The following RASGRF2 variants were observed in gnomAD, a reference collection of about 807,000 sequenced individuals.
The protein encoded by RASGRF2 is ras-specific guanine nucleotide-releasing factor 2.
Under a neutral mutation model 151.0 loss-of-function variants are expected in RASGRF2, and 76 were observed. The ratio of observed to expected loss-of-function variants is 0.50; its 90% CI spans 0.42 to 0.61. The LOEUF (loss-of-function observed/expected upper bound fraction) is 0.61. RASGRF2 is among the 20% of genes least tolerant of loss of function. The pLI is 0.00. For missense variants in RASGRF2, 1,148 were observed against 1,564.6 expected, an observed-to-expected ratio of 0.73 and a Z score of 4.49; for synonymous variants, 504 against 566.5, an observed-to-expected ratio of 0.89 and a Z score of 1.57.
At chr5:81,086,540 A>G (rs1371279507) in intron 8 of RASGRF2, among the ~76,000 whole-genome samples, 1 of 152,136 alleles carries the variant, frequency 6.6e-6, no homozygotes, top group Non-Finnish European at 1.5e-5. Flanking sequence ...CCTAATCTCA[A>G]TGACGGGAAC....
intron 1 of RASGRF2, among the ~76,000 whole-genome samples, chr5:80,969,815 CTTTTTTTTTTTT>C (rs10584906): frequency 4.4e-4 from 34 of 76,940 alleles, no homozygotes; most frequent in Admixed American, 6.7e-4. Context: ...ACTTCTTCTT[CTTTTTTTTTTTT>C]TTTTTTTTTT....
At chr5:81,059,763 G>C (rs755585250) in intron 2 of RASGRF2, among the ~76,000 whole-genome samples, 1 of 151,938 alleles carries the variant, frequency 6.6e-6, no homozygotes, top group Non-Finnish European at 1.5e-5. Flanking sequence ...AGAATTGCTT[G>C]AACCCAGGAG....
intron 17 of RASGRF2, among the ~76,000 whole-genome samples, chr5:81,156,741 C>T (rs1047867709): frequency 2.0e-5 from 3 of 152,158 alleles, no homozygotes; most frequent in Non-Finnish European, 4.4e-5. Flanking sequence ...AGACTGAATG[C>T]TTTCCTCCTG....
intron 1 of RASGRF2, among the ~76,000 whole-genome samples, chr5:81,024,833 G>A (rs1016864940): frequency 1.3e-5 from 2 of 152,182 alleles, no homozygotes; most frequent in Admixed American, 1.3e-4. Context: ...TCTCAGTTTG[G>A]TGATTAATAT....
intron 13 of RASGRF2, among the ~76,000 whole-genome samples, chr5:81,110,673 T>G (rs894473151): frequency 6.6e-6 from 1 of 152,226 alleles, no homozygotes; most frequent in Non-Finnish European, 1.5e-5. Flanking sequence ...GATCTCAACT[T>G]TCTTAGAAAT....
At chr5:81,069,647 A>C (rs964355807) in intron 3 of RASGRF2, among the ~76,000 whole-genome samples, 1 of 152,182 alleles carries the variant, frequency 6.6e-6, no homozygotes. Context: ...GCCATAATTT[A>C]TTTCCTACTC....
In RASGRF2 at chr5:81,001,999, C is replaced by G. The variant is rs772182278; in HGVS notation, c.289-40878C>G. Among the ~76,000 whole-genome samples, 4 of 152,114 alleles carry G rather than the reference C, an allele frequency of 2.6e-5. No individual in the cohort carries two copies. The East Asian group carries it at 7.7e-4, about 29-fold the overall frequency. ...GTTTATAATTTGGTCAGTTTATCTA[C>G]GAAGAGACATGTATGTGTGATAATT... On this transcript the variant is annotated intron_variant, in intron 1 of 26. Transcript: ENST00000265080.
At chr5:81,100,230 T>C (rs900827113) in intron 12 of RASGRF2, among the ~76,000 whole-genome samples, 2 of 152,188 alleles carry the variant, frequency 1.3e-5, no homozygotes, top group Admixed American at 6.5e-5. Context: ...ATCTTACTTT[T>C]TCTGGCTTGA....
chr5:81,194,170 C>T (rs1253224357), intron 18 of RASGRF2, among the ~76,000 whole-genome samples: 240 of 142,696 alleles, frequency 1.7e-3, no homozygotes, highest in African/African-American at 6.2e-3. Flanking sequence ...ATAGAGAGAG[C>T]CCCATCTCTA....
intron 1 of RASGRF2, among the ~76,000 whole-genome samples, chr5:81,000,515 T>G (rs1274139939): frequency 6.6e-6 from 1 of 152,198 alleles, no homozygotes; most frequent in Non-Finnish European, 1.5e-5. Context: ...AGTAATGGGA[T>G]TACAGGTGAG....
chr5:80,996,257 G>A (rs1292576815), intron 1 of RASGRF2, among the ~76,000 whole-genome samples: 1 of 151,992 alleles, frequency 6.6e-6, no homozygotes, highest in Non-Finnish European at 1.5e-5. Context: ...CACATAAACT[G>A]TAAAATTCAG....
chr5:81,220,602 A>G (rs1470639704), intron 26 of RASGRF2, among the ~76,000 whole-genome samples: 1 of 152,112 alleles, frequency 6.6e-6, no homozygotes, highest in Non-Finnish European at 1.5e-5. Context: ...CTCCTGCCTC[A>G]GCCTCCTGAG....
intron 1 of RASGRF2, among the ~76,000 whole-genome samples, chr5:80,981,605 G>A (rs1344385171): frequency 6.6e-6 from 1 of 151,982 alleles, no homozygotes; most frequent in African/African-American, 2.4e-5. Flanking sequence ...TCACTCTGTC[G>A]CCCAGGTCGG....
At chr5:80,976,680 GTGTC>G (rs1431633585) in intron 1 of RASGRF2, among the ~76,000 whole-genome samples, 1 of 152,126 alleles carries the variant, frequency 6.6e-6, no homozygotes, top group African/African-American at 2.4e-5. Context: ...TTCCTTCTTG[GTGTC>G]TGCCCAGCTC....
chr5:81,056,716 T>C (rs935300715), intron 2 of RASGRF2, among the ~76,000 whole-genome samples: 3 of 152,188 alleles, frequency 2.0e-5, no homozygotes, highest in South Asian at 4.1e-4. Context: ...CTGTCTAATG[T>C]TGACAGTGTG....
intron 1 of RASGRF2, among the ~76,000 whole-genome samples, chr5:81,018,530 G>A (rs895797173): frequency 2.0e-5 from 3 of 152,120 alleles, no homozygotes; most frequent in Admixed American, 2.0e-4. Context: ...CAGCTCACTT[G>A]TCAGTTTGGG....
rs771470692 is a variant in RASGRF2, at chr5:81,228,294, A to C, written c.*2524A>C. On this transcript the variant is annotated 3_prime_UTR_variant, in exon 27 of 27. Transcript: ENST00000265080. Reference sequence around the variant, plus strand: ...CTGGAGCTGCAAGAGGGCAAGAGAGAGAGCTCCACCTCTGAGGGAGTGTCT... The same window carrying C: ...CTGGAGCTGCAAGAGGGCAAGAGAGCGAGCTCCACCTCTGAGGGAGTGTCT... The C allele has an allele frequency of 1.3e-5, 2 of 152,250 alleles. No homozygotes were observed. The highest frequency in any genetic ancestry group is 6.5e-5 in the Admixed American group (1 of 15,282). The allele number at this position is 152,250 out of a possible 1,614,324, so 9.4% of individuals were successfully genotyped here.
chr5:81,148,763 T>G (rs1049239778), intron 17 of RASGRF2, among the ~76,000 whole-genome samples: 4 of 151,940 alleles, frequency 2.6e-5, no homozygotes, highest in South Asian at 2.1e-4. Flanking sequence ...GCATGGCACA[T>G]GTATACATAT....
At position 81,049,739 on chromosome 5, in the gene RASGRF2, T is replaced by C. The variant is rs534409018; in HGVS notation, c.395+6756T>C. 1.3e-3 allele frequency among the ~76,000 whole-genome samples: 195 copies of C among 152,280 alleles called. 1 individual carries two copies. Among genetic ancestry groups the C allele is most frequent in the African/African-American group, 4.4e-3 (184 of 41,558 alleles). On this transcript the variant is annotated intron_variant, in intron 2 of 26. Coordinates refer to ENST00000265080, the MANE Select transcript of RASGRF2 (RefSeq NM_006909.3). ...GCACTATCCCCAGGAAATCTGAGTATTGGAGAGATGAAATGACCTCCTGAG... is the reference window on the plus strand; with the variant it reads ...GCACTATCCCCAGGAAATCTGAGTACTGGAGAGATGAAATGACCTCCTGAG...
Sources: gnomAD v4.1 joint callset for allele counts (sites outside exome capture counted in the v4.1 genomes callset) on GRCh38, gnomAD v4.1.1 for gene constraint, MANE v1.5 for transcripts, NCBI Gene and HGNC (gene_info 2026-07-23, HGNC 2026-07-21) for gene names.